Variants in PSMD5 observed in about 807,000 individuals in gnomAD.
PSMD5 encodes the protein proteasome 26S subunit, non-ATPase 5, also known as 26S proteasome non-ATPase regulatory subunit 5.
In PSMD5, 40 loss-of-function variants were observed where a neutral mutation model predicts 52.1. The ratio of observed to expected loss-of-function variants is 0.77; its 90% CI spans 0.60 to 1.00. The LOEUF (loss-of-function observed/expected upper bound fraction) is 1.00. Ranked by LOEUF, PSMD5 falls within the 50% of genes least tolerant of loss-of-function variation. The pLI, the probability that PSMD5 is intolerant of heterozygous loss-of-function variation, is 0.00. For missense variants in PSMD5, 575 were observed against 605.2 expected, an observed-to-expected ratio of 0.95 and a Z score of 0.52; for synonymous variants, 211 against 226.6, an observed-to-expected ratio of 0.93 and a Z score of 0.62.
At chr9:120,825,540 T>C (rs1195816104) in intron 6 of PSMD5, among the ~76,000 whole-genome samples, 2 of 152,222 alleles carry the variant, frequency 1.3e-5, no homozygotes, top group African/African-American at 4.8e-5. Flanking sequence ...ATATTAATCC[T>C]TCCAATCCAT....
chr9:120,824,860 T>G (rs1412320515), intron 6 of PSMD5, 175 bp from the exon 7 acceptor site: 3 of 527,944 alleles, frequency 5.7e-6, no homozygotes, highest in Non-Finnish European at 9.8e-6. Flanking sequence ...GGACCTGTGA[T>G]GTGTGATCCT....
intron 1 of PSMD5, among the ~76,000 whole-genome samples, chr9:120,841,007 C>A (rs1489597163): frequency 1.3e-5 from 2 of 152,112 alleles, no homozygotes; most frequent in Non-Finnish European, 2.9e-5. Context: ...CCGCCTCAGC[C>A]TCCCAAAGTG....
rs1252940305 is a variant in PSMD5 at position 120,826,888 on chromosome 9, C to T, written c.691G>A (p.Val231Met). The T allele has an allele frequency of 6.2e-7, 1 of 1,612,866 alleles. No homozygotes were observed. The highest frequency in any genetic ancestry group is 8.5e-7 in the Non-Finnish European group (1 of 1,179,332). The stretch of plus-strand genomic sequence containing the variant: ...TGATGAGTATATGCCAGTGATGTCA[C>T]CATTTCTATACAGGTGGCTCTAAAA... ...VLVRATCIEM[V>M]TSLAYTHHGR... is the part of the protein sequence containing the mutation. Residue 231 changes from valine (V) to methionine (M), a missense_variant, in exon 6 of 10, where the codon GTG becomes ATG. Coordinates refer to ENST00000210313, the MANE Select transcript of PSMD5 (RefSeq NM_005047.4).
At chr9:120,827,077 C>T (rs1271334456) in intron 5 of PSMD5, among the ~76,000 whole-genome samples, 170 bp from the exon 6 acceptor site, 1 of 152,212 alleles carries the variant, frequency 6.6e-6, no homozygotes, top group Non-Finnish European at 1.5e-5. Flanking sequence ...TTTGCAGTGA[C>T]TTCTCTGTAA....
chr9:120,819,034 C>T (rs1451482174), intron 9 of PSMD5, among the ~76,000 whole-genome samples: 1 of 152,176 alleles, frequency 6.6e-6, no homozygotes, highest in Non-Finnish European at 1.5e-5. Flanking sequence ...CACACTAATA[C>T]AAAAACTAAA....
At chr9:120,832,059 T>A in intron 2 of PSMD5, 114 bp from the exon 3 acceptor site, 3 of 1,445,680 alleles carry the variant, frequency 2.1e-6, no homozygotes. Context: ...ATCACAGCTA[T>A]ATATCAATTC....
intron 6 of PSMD5, among the ~76,000 whole-genome samples, chr9:120,825,562 A>G (rs1367496561): frequency 6.6e-6 from 1 of 152,192 alleles, no homozygotes; most frequent in Non-Finnish European, 1.5e-5. Context: ...AACATAGGAT[A>G]CCTTTCCATT....
intron 8 of PSMD5, 138 bp from the exon 9 acceptor site, chr9:120,821,117 C>G (rs1588066095): frequency 5.6e-6 from 6 of 1,072,858 alleles, no homozygotes; most frequent in Non-Finnish European, 7.8e-6. Flanking sequence ...CTGGAGGACT[C>G]TTTCTCAAAT....
intron 1 of PSMD5, among the ~76,000 whole-genome samples, chr9:120,835,462 C>A (rs971151182): frequency 2.0e-5 from 3 of 152,278 alleles, no homozygotes. Flanking sequence ...CGGTGACTCA[C>A]GCCTGTAATC....
chr9:120,837,080 G>A (rs1023206329), intron 1 of PSMD5, among the ~76,000 whole-genome samples: 1 of 152,050 alleles, frequency 6.6e-6, no homozygotes, highest in South Asian at 2.1e-4. Context: ...TAGTAGAGAT[G>A]GGGTTTCACT....
At chr9:120,840,664 G>A (rs1421551232) in intron 1 of PSMD5, among the ~76,000 whole-genome samples, 1 of 143,546 alleles carries the variant, frequency 7.0e-6, no homozygotes, top group Non-Finnish European at 1.5e-5. Context: ...CTGTTGCCCA[G>A]GCTGAAGTGC....
rs561355931 is a variant in PSMD5, at chr9:120,833,171, G to A, written c.318+141C>T. 2.8e-5 allele frequency: 27 copies of A among 971,882 alleles called. No homozygotes were observed. In the South Asian group the frequency reaches 4.0e-4, roughly 14 times the overall value. 60.2% of individuals were successfully genotyped at this position (971,882 alleles called of 1,614,324 possible). A position where few individuals can be genotyped will look rare whatever the true frequency, so the allele number is the denominator to read the frequency against. ...TGGAATAGACCACACATTTCCTAGG[G>A]GGAAAGAGGGAGCAGAGGAGAGGGG... On this transcript the variant is annotated intron_variant, in intron 2 of 9. Coordinates refer to ENST00000210313, the MANE Select transcript of PSMD5 (RefSeq NM_005047.4).
In PSMD5 at chr9:120,833,800, T is replaced by A. The variant is rs989757181; in HGVS notation, c.174-344A>T. ...TTCAAGCAATTCTCCTGCCTCAGCC[T>A]CCCGAGTAGCTGGGATTACAGGGGC... On this transcript the variant is annotated intron_variant, in intron 1 of 9. Coordinates refer to ENST00000210313, the MANE Select transcript of PSMD5 (RefSeq NM_005047.4). Among the ~76,000 whole-genome samples, 5 of 144,034 alleles carry A rather than the reference T, an allele frequency of 3.5e-5. No individual in the cohort carries two copies. In the South Asian group the frequency reaches 1.2e-3, roughly 34 times the overall value. The allele number at this position is 144,034 out of a possible 152,430, so 94.5% of individuals were successfully genotyped here.
At chr9:120,827,218 A>G (rs1029208658) in intron 5 of PSMD5, among the ~76,000 whole-genome samples, 1 of 152,238 alleles carries the variant, frequency 6.6e-6, no homozygotes, top group Non-Finnish European at 1.5e-5. Context: ...TTGAAATATC[A>G]TACACAAAAG....
Position 120,817,748 on chromosome 9 carries a change from A to G in PSMD5, c.*158T>C. On this transcript the variant is annotated 3_prime_UTR_variant, in exon 10 of 10. Transcript: ENST00000210313. ...AACTCCTAGTTCCACTTTGCATTTC[A>G]ATGTAGAAATATAACAGTGTTGGTA... 1 of 859,580 alleles carries G rather than the reference A, an allele frequency of 1.2e-6. No individual in the cohort carries two copies. Among genetic ancestry groups the G allele is most frequent in the Non-Finnish European group, 1.8e-6 (1 of 571,262 alleles). The allele number at this position is 859,580 out of a possible 1,614,324, so 53.2% of individuals were successfully genotyped here.
rs1211642033 is a variant in PSMD5 at position 120,816,920 on chromosome 9, C to A, written c.*986G>T. 6.6e-6 allele frequency: 1 copy of A among 152,154 alleles called. No individual in the cohort carries two copies. Among genetic ancestry groups the A allele is most frequent in the Non-Finnish European group, 1.5e-5 (1 of 68,034 alleles). The allele number at this position is 152,154 out of a possible 1,614,324, so 9.4% of individuals were successfully genotyped here. ...TATGAAAAATCCAAAGCAAAACCCTCAGCAATCATGACCTACCAATAAATG... is the reference window on the plus strand; with the variant it reads ...TATGAAAAATCCAAAGCAAAACCCTAAGCAATCATGACCTACCAATAAATG... On this transcript the variant is annotated 3_prime_UTR_variant, in exon 10 of 10. Coordinates refer to ENST00000210313, the MANE Select transcript of PSMD5 (RefSeq NM_005047.4).
chr9:120,831,749 C>A (rs925492397), intron 3 of PSMD5, 83 bp downstream of exon 3: 3 of 1,525,940 alleles, frequency 2.0e-6, no homozygotes, highest in African/African-American at 2.8e-5. Flanking sequence ...TAAACCTTCA[C>A]CTCTCAATTC....
At chr9:120,821,086 G>C in intron 8 of PSMD5, 107 bp from the exon 9 acceptor site, 2 of 1,289,872 alleles carry the variant, frequency 1.6e-6, no homozygotes, top group Non-Finnish European at 1.1e-6. Flanking sequence ...TCATTAATTT[G>C]TTGTGTGAAA....
intron 1 of PSMD5, among the ~76,000 whole-genome samples, chr9:120,841,631 G>A (rs2045238736): frequency 6.6e-6 from 1 of 151,806 alleles, no homozygotes; most frequent in East Asian, 1.9e-4. Context: ...ATCTTTCCAT[G>A]TCCACATACA....
Sources: allele counts gnomAD v4.1 joint callset (sites outside exome capture counted in the v4.1 genomes callset), GRCh38; gene constraint gnomAD v4.1.1; transcripts MANE v1.5; gene names NCBI Gene and HGNC (gene_info 2026-07-23, HGNC 2026-07-21).